Variants in DCC observed in about 807,000 individuals in gnomAD.
DCC encodes the protein DCC netrin 1 receptor, also known as netrin receptor DCC.
DCC carries 58 observed loss-of-function variants against 172.5 expected under a neutral mutation model. That is an observed-to-expected ratio of 0.34 (90% CI 0.27 to 0.42). DCC has a LOEUF of 0.42. Among genes scored for constraint, DCC ranks in the 10% least tolerant of loss-of-function variants. The probability of loss-of-function intolerance (pLI) is 1.00; values close to 1 mark genes in which losing one functional copy is unlikely to be tolerated. For synonymous variants in DCC, 709 were observed against 644.5 expected (o/e 1.10, Z -1.52); for missense variants, 1,740 against 1,791.0 (o/e 0.97, Z 0.51).
chr18:52,817,827 T>G (rs2038330642), intron 2 of DCC, among the ~76,000 whole-genome samples: 1 of 151,628 alleles, frequency 6.6e-6, no homozygotes, highest in African/African-American at 2.4e-5. Flanking sequence ...GTATAATTTA[T>G]GTGAATACAT....
At chr18:53,111,618 T>C (rs1180029660) in intron 7 of DCC, among the ~76,000 whole-genome samples, 3 of 151,506 alleles carry the variant, frequency 2.0e-5, no homozygotes, top group Non-Finnish European at 4.4e-5. Context: ...CTTGTTTAAA[T>C]TGCTTTAAAA....
chr18:52,939,731 T>TTCA (rs1208568000), intron 5 of DCC, among the ~76,000 whole-genome samples: 4 of 152,060 alleles, frequency 2.6e-5, no homozygotes, highest in African/African-American at 9.6e-5. Context: ...TATCATCATT[T>TTCA]TCATCATCAT....
intron 5 of DCC, among the ~76,000 whole-genome samples, chr18:53,017,207 C>A (rs2041820950): frequency 6.6e-6 from 1 of 152,012 alleles, no homozygotes; most frequent in African/African-American, 2.4e-5. Context: ...TCCCGCGTAG[C>A]TGGGACTACA....
chr18:52,854,606 C>CT (rs1337945650), intron 2 of DCC, among the ~76,000 whole-genome samples: 1 of 152,124 alleles, frequency 6.6e-6, no homozygotes, highest in Non-Finnish European at 1.5e-5. Context: ...GATTTACTTG[C>CT]TAGACTCACA....
chr18:53,046,734 G>C (rs1416507281), intron 5 of DCC, among the ~76,000 whole-genome samples: 1 of 151,860 alleles, frequency 6.6e-6, no homozygotes, highest in African/African-American at 2.4e-5. Context: ...CTGAAGTCAA[G>C]AAAAGTTCAG....
intron 1 of DCC, among the ~76,000 whole-genome samples, chr18:52,364,895 C>T (rs1265323415): frequency 1.3e-5 from 2 of 152,174 alleles, no homozygotes; most frequent in Admixed American, 6.5e-5. Context: ...CTTTTCACCT[C>T]CTACTCCCAC....
At chr18:53,257,099 A>C (rs1437192555) in intron 12 of DCC, among the ~76,000 whole-genome samples, 2 of 152,196 alleles carry the variant, frequency 1.3e-5, no homozygotes, top group Admixed American at 6.5e-5. Flanking sequence ...CTATTAGCTT[A>C]AGGAGATTTT....
intron 5 of DCC, among the ~76,000 whole-genome samples, chr18:52,930,697 T>G (rs2040294482): frequency 6.6e-6 from 1 of 152,176 alleles, no homozygotes; most frequent in African/African-American, 2.4e-5. Context: ...TTTTGTGAAT[T>G]TGCTGTCTTT....
At chr18:53,206,248 CATATAT>C (rs1213861140) in intron 10 of DCC, among the ~76,000 whole-genome samples, 2 of 119,676 alleles carry the variant, frequency 1.7e-5, no homozygotes. Context: ...ATACATAATA[CATATAT>C]ACCACATATA....
chr18:52,756,027 A>G (rs1407338041), intron 2 of DCC, among the ~76,000 whole-genome samples: 1 of 152,228 alleles, frequency 6.6e-6, no homozygotes, highest in Non-Finnish European at 1.5e-5. Flanking sequence ...TAAAAGTTGC[A>G]AAGTAACAGG....
intron 28 of DCC, among the ~76,000 whole-genome samples, chr18:53,527,326 C>A (rs568749865): frequency 1.3e-5 from 2 of 151,630 alleles, no homozygotes; most frequent in East Asian, 3.9e-4. Flanking sequence ...TCAAGCAGTT[C>A]TCCTGCCTCA....
chr18:52,677,866 C>T (rs1186092884), intron 1 of DCC, among the ~76,000 whole-genome samples: 1 of 152,132 alleles, frequency 6.6e-6, no homozygotes, highest in Non-Finnish European at 1.5e-5. Context: ...ACTTTTTCTT[C>T]TACAACTTGT....
At chr18:53,280,494 A>T (rs2056858154) in intron 12 of DCC, among the ~76,000 whole-genome samples, 1 of 152,078 alleles carries the variant, frequency 6.6e-6, no homozygotes, top group Non-Finnish European at 1.5e-5. Flanking sequence ...AATTTCTTTG[A>T]GAAGTTTTTT....
intron 4 of DCC, among the ~76,000 whole-genome samples, 185 bp downstream of exon 4, chr18:52,924,042 T>C (rs2040163746): frequency 1.3e-5 from 2 of 152,030 alleles, no homozygotes; most frequent in African/African-American, 2.4e-5. Context: ...GATGAGAAGA[T>C]GAGGAAAAGA....
chr18:52,634,827 T>C (rs1173709383), intron 1 of DCC, among the ~76,000 whole-genome samples: 1 of 152,184 alleles, frequency 6.6e-6, no homozygotes, highest in African/African-American at 2.4e-5. Flanking sequence ...GTCCTGGGCC[T>C]TTGAACTTTG....
intron 27 of DCC, among the ~76,000 whole-genome samples, chr18:53,518,734 G>C (rs2046367127): frequency 6.6e-6 from 1 of 152,146 alleles, no homozygotes; most frequent in Non-Finnish European, 1.5e-5. Flanking sequence ...TCAACAGCCA[G>C]CGTTCCACCA....
At chr18:53,235,614 G>T (rs1568382858) in intron 12 of DCC, among the ~76,000 whole-genome samples, 1 of 152,084 alleles carries the variant, frequency 6.6e-6, no homozygotes, top group African/African-American at 2.4e-5. Flanking sequence ...TGTACATGTA[G>T]TAAAATATAC....
intron 7 of DCC, among the ~76,000 whole-genome samples, chr18:53,091,099 T>C (rs892297980): frequency 2.0e-5 from 3 of 151,938 alleles, no homozygotes; most frequent in African/African-American, 7.3e-5. Flanking sequence ...CAACTCTCTA[T>C]AGCATGTGAA....
At chr18:53,335,823 C>T (rs2057585165) in intron 14 of DCC, among the ~76,000 whole-genome samples, 1 of 152,114 alleles carries the variant, frequency 6.6e-6, no homozygotes, top group African/African-American at 2.4e-5. Context: ...GGAGGTCTCA[C>T]AATCACGGCA....
Sources: allele counts gnomAD v4.1 joint callset (sites outside exome capture counted in the v4.1 genomes callset), GRCh38; gene constraint gnomAD v4.1.1; transcripts MANE v1.5; gene names NCBI Gene and HGNC (gene_info 2026-07-23, HGNC 2026-07-21).